PDE4B: variants seen among roughly 807,000 people sequenced by gnomAD.
The protein encoded by PDE4B is 3',5'-cyclic-AMP phosphodiesterase 4B.
Under a neutral mutation model 82.2 loss-of-function variants are expected in PDE4B, and 20 were observed. The ratio of observed to expected loss-of-function variants is 0.24; its 90% CI spans 0.17 to 0.35. PDE4B has a LOEUF of 0.35. Among genes scored for constraint, PDE4B ranks in the 10% least tolerant of loss-of-function variants. PDE4B has a pLI of 1.00. For missense variants in PDE4B, 655 were observed against 907.2 expected, an observed-to-expected ratio of 0.72 and a Z score of 3.57; for synonymous variants, 320 against 318.9, an observed-to-expected ratio of 1.00 and a Z score of -0.04.
chr1:66,186,856 G>A (rs1048877421), intron 3 of PDE4B, among the ~76,000 whole-genome samples: 11 of 152,210 alleles, frequency 7.2e-5, no homozygotes, highest in Admixed American at 5.2e-4. Flanking sequence ...CCGGGCCAGA[G>A]CTTCCAACAC....
intron 3 of PDE4B, among the ~76,000 whole-genome samples, chr1:65,970,506 G>T (rs1289791311): frequency 6.6e-6 from 1 of 152,060 alleles, no homozygotes; most frequent in Non-Finnish European, 1.5e-5. Context: ...TTTACAGTGG[G>T]TCTTATGATT....
At chr1:66,228,626 T>TAAA (rs77946467) in intron 3 of PDE4B, among the ~76,000 whole-genome samples, 25 of 135,124 alleles carry the variant, frequency 1.9e-4, no homozygotes, top group African/African-American at 6.7e-4. Context: ...AAGACTCCGT[T>TAAA]AAAAAAAAAA....
intron 16 of PDE4B, among the ~76,000 whole-genome samples, chr1:66,369,301 T>C (rs6696206): frequency 0.012 from 1,849 of 152,304 alleles, 16 homozygotes; most frequent in Non-Finnish European, 0.019. Flanking sequence ...TTCTCCTAGC[T>C]CTGTCTTCAT....
intron 1 of PDE4B, among the ~76,000 whole-genome samples, chr1:65,895,932 AAATAATAATAATAAT>A (rs58207336): frequency 2.1e-5 from 3 of 143,690 alleles, no homozygotes; most frequent in Admixed American, 7.0e-5. Flanking sequence ...ATGAAAAAGA[AAATAATAATAATAAT>A]AATAATAATA....
At chr1:65,931,343 C>G (rs559186394) in intron 3 of PDE4B, among the ~76,000 whole-genome samples, 167 of 152,210 alleles carry the variant, frequency 1.1e-3, no homozygotes, top group African/African-American at 3.9e-3. Flanking sequence ...TGGCCTAATA[C>G]AAAAAGGTAT....
intron 3 of PDE4B, among the ~76,000 whole-genome samples, chr1:66,164,608 C>A (rs1342453282): frequency 3.4e-5 from 5 of 148,174 alleles, no homozygotes; most frequent in Non-Finnish European, 4.5e-5. Flanking sequence ...GACCAGCGAT[C>A]TCTATTATAG....
At chr1:65,813,224 C>T (rs1645839799) in intron 1 of PDE4B, among the ~76,000 whole-genome samples, 2 of 152,062 alleles carry the variant, frequency 1.3e-5, no homozygotes, top group Non-Finnish European at 2.9e-5. Flanking sequence ...AAATGCATGC[C>T]ACTTAACTAA....
intron 7 of PDE4B, among the ~76,000 whole-genome samples, chr1:66,328,821 G>A (rs1055143624): frequency 6.6e-6 from 1 of 152,216 alleles, no homozygotes; most frequent in Non-Finnish European, 1.5e-5. Context: ...GGACATGTTA[G>A]CAGCCGTCTT....
chr1:66,287,915 A>G (rs1195594709), intron 7 of PDE4B, among the ~76,000 whole-genome samples: 1 of 152,170 alleles, frequency 6.6e-6, no homozygotes, highest in East Asian at 1.9e-4. Flanking sequence ...TGGAGATGGC[A>G]GTGAGCTATG....
At chr1:65,965,173 G>A (rs566581750) in intron 3 of PDE4B, among the ~76,000 whole-genome samples, 1 of 151,986 alleles carries the variant, frequency 6.6e-6, no homozygotes, top group Non-Finnish European at 1.5e-5. Context: ...AAGGTGAGTG[G>A]GGGTAACCTA....
intron 3 of PDE4B, among the ~76,000 whole-genome samples, chr1:65,943,744 T>A (rs554110656): frequency 1.3e-5 from 2 of 152,118 alleles, no homozygotes; most frequent in Non-Finnish European, 2.9e-5. Context: ...GTAATATTTT[T>A]GTAGGTATTG....
chr1:66,102,454 T>C (rs1645245950), intron 3 of PDE4B, among the ~76,000 whole-genome samples: 1 of 152,090 alleles, frequency 6.6e-6, no homozygotes, highest in African/African-American at 2.4e-5. Context: ...TTGCTGTAAG[T>C]ATAGCTGGTG....
intron 3 of PDE4B, among the ~76,000 whole-genome samples, chr1:66,068,733 G>A (rs1322891850): frequency 6.6e-6 from 1 of 151,924 alleles, no homozygotes; most frequent in African/African-American, 2.4e-5. Context: ...ATGGGATATA[G>A]AATATAATGA....
chr1:65,870,356 C>T (rs1338403651), intron 1 of PDE4B, among the ~76,000 whole-genome samples: 1 of 152,138 alleles, frequency 6.6e-6, no homozygotes, highest in Admixed American at 6.6e-5. Flanking sequence ...TTTCTCCAGT[C>T]TTTCATTAAT....
At chr1:65,841,410 T>TAG (rs1025307202) in intron 1 of PDE4B, among the ~76,000 whole-genome samples, 1 of 104,510 alleles carries the variant, frequency 9.6e-6, no homozygotes, top group African/African-American at 3.6e-5. Flanking sequence ...TTATTGCACT[T>TAG]AGAGTTCATT....
chr1:66,047,148 A>G (rs1452514986), intron 3 of PDE4B, among the ~76,000 whole-genome samples: 5 of 151,832 alleles, frequency 3.3e-5, no homozygotes, highest in African/African-American at 1.2e-4. Context: ...CCATCTTTTA[A>G]GCTTTCTGTT....
At chr1:65,853,569 C>T (rs551816778) in intron 1 of PDE4B, among the ~76,000 whole-genome samples, 5 of 150,344 alleles carry the variant, frequency 3.3e-5, no homozygotes, top group South Asian at 2.1e-4. Flanking sequence ...CTCACTCTGT[C>T]GCCAGGCTAG....
chr1:66,083,923 A>C (rs1004679986), intron 3 of PDE4B, among the ~76,000 whole-genome samples: 4 of 152,156 alleles, frequency 2.6e-5, no homozygotes, highest in African/African-American at 9.6e-5. Context: ...TAGGTATATT[A>C]AGCATGAACA....
At chr1:65,908,303 C>A (rs1476307423) in intron 1 of PDE4B, among the ~76,000 whole-genome samples, 1 of 152,114 alleles carries the variant, frequency 6.6e-6, no homozygotes, top group Admixed American at 6.6e-5. Context: ...GAAAGAGAAT[C>A]TGTTAAATAT....
Sources: gnomAD v4.1 joint callset for allele counts (sites outside exome capture counted in the v4.1 genomes callset) on GRCh38, gnomAD v4.1.1 for gene constraint, MANE v1.5 for transcripts, NCBI Gene and HGNC (gene_info 2026-07-23, HGNC 2026-07-21) for gene names.